ZNF710: variants seen among roughly 807,000 people sequenced by gnomAD.
ZNF710 encodes zinc finger protein 710.
In ZNF710, 13 loss-of-function variants were observed where a neutral mutation model predicts 50.6. That is an observed-to-expected ratio of 0.26 (90% CI 0.17 to 0.41). The LOEUF (loss-of-function observed/expected upper bound fraction) is 0.41, where lower values mean the gene tolerates loss of function less well. Ranked by LOEUF, ZNF710 falls within the 10% of genes least tolerant of loss-of-function variation. The pLI is 1.00. For missense variants in ZNF710, 721 were observed against 936.6 expected (o/e 0.77, Z 3.01); for synonymous variants, 383 against 397.0 (o/e 0.96, Z 0.42).
chr15:90,043,116 C>T lies in ZNF710; in HGVS notation c.-28-23994C>T, dbSNP rs572943934. Among the ~76,000 whole-genome samples, 11 of 152,382 alleles carry T rather than the reference C, an allele frequency of 7.2e-5. No homozygotes were observed. The East Asian group carries it at 1.4e-3, about 19-fold the overall frequency. ...GAATGCCCTTCACCCCACACCCCAC[C>T]GGGGACCGAGCACCTCCTGTGTGCA... On this transcript the variant is annotated intron_variant, in intron 1 of 4. Transcript: ENST00000268154.
rs1898934020 is a variant in ZNF710, at chr15:90,031,041, A to AAAAAAG, written c.-29+29427_-29+29428insAAAAAG. The stretch of plus-strand genomic sequence containing the variant: ...CTCAAAAAAAAAGAAAAAAAAAAAA[A>AAAAAAG]TGCTTAATGGATTGTTTGGTAACAA... On this transcript the variant is annotated intron_variant, in intron 1 of 4. Coordinates refer to ENST00000268154, the MANE Select transcript of ZNF710 (RefSeq NM_198526.4). Among the ~76,000 whole-genome samples, 4 of 150,426 alleles carry AAAAAAG rather than the reference A, an allele frequency of 2.7e-5. 1 individual carries two copies. Among genetic ancestry groups the AAAAAAG allele is most frequent in the Non-Finnish European group, 4.4e-5 (3 of 67,586 alleles).
rs1360052580 is a variant in ZNF710 at position 90,062,870 on chromosome 15, C to T, written c.-28-4240C>T. Among the ~76,000 whole-genome samples, 4 of 152,284 alleles carry T rather than the reference C, an allele frequency of 2.6e-5. No homozygotes were observed. The highest frequency in any genetic ancestry group is 3.9e-4 in the East Asian group (2 of 5,180). On this transcript the variant is annotated intron_variant, in intron 1 of 4. Transcript: ENST00000268154. This position sits in a 1 kb window ranked among gnomAD's most constrained non-coding sequence, Gnocchi z 5.6. ...CGCACACACACACAGCCTGCCTGGC[C>T]GCCCCAGTGAACAAGACAACATGGA...
At position 90,072,962 on chromosome 15, in the gene ZNF710, G is replaced by T. The variant is rs866786478; in HGVS notation, c.1459-109G>T. The T allele has an allele frequency of 3.2e-4, 362 of 1,120,196 alleles. 1 individual carries two copies. The highest frequency in any genetic ancestry group is 2.7e-3 in the Middle Eastern group (9 of 3,332). The allele number at this position is 1,120,196 out of a possible 1,614,324, so 69.4% of individuals were successfully genotyped here. ...CTCAAAAAGAGACATTTCCCAGAAA[G>T]TGTGCCTTTGTGATGCTATGGCCCT... is the stretch of plus-strand genomic sequence containing the variant. On this transcript the variant is annotated intron_variant, in intron 2 of 4. Transcript: ENST00000268154.
At chr15:90,054,534 G>T (rs983226188) in intron 1 of ZNF710, among the ~76,000 whole-genome samples, 10 of 152,286 alleles carry the variant, frequency 6.6e-5, no homozygotes, top group Non-Finnish European at 8.8e-5. Flanking sequence ...TGCCTGCAGG[G>T]GACTGCCTCA....
chr15:90,060,690 A>AT (rs1202880791), intron 1 of ZNF710, among the ~76,000 whole-genome samples: 1 of 151,990 alleles, frequency 6.6e-6, no homozygotes, highest in Non-Finnish European at 1.5e-5. Flanking sequence ...CCTTGTCTCT[A>AT]TTAAAAATAT....
Position 90,007,238 on chromosome 15 carries a change from C to T in ZNF710, c.-29+5624C>T, listed in dbSNP as rs565846668. The stretch of plus-strand genomic sequence containing the variant: ...AGGGCTTTGGGGAGGAAAGGTGTAA[C>T]GTTTCTGCCAAAAGCGGAACCTAAA... On this transcript the variant is annotated intron_variant, in intron 1 of 4. Transcript: ENST00000268154. Among the ~76,000 whole-genome samples, 11 of 152,266 alleles carry T rather than the reference C, an allele frequency of 7.2e-5. No homozygotes were observed. In the South Asian group the frequency reaches 8.3e-4, roughly 11 times the overall value.
At chr15:90,046,668 G>A (rs1317469393) in intron 1 of ZNF710, among the ~76,000 whole-genome samples, 5 of 152,116 alleles carry the variant, frequency 3.3e-5, no homozygotes, top group African/African-American at 2.4e-5. Context: ...CTGAAGCCCC[G>A]TGATATGGTG....
intron 1 of ZNF710, among the ~76,000 whole-genome samples, chr15:90,017,564 C>T (rs568052117): frequency 2.8e-4 from 42 of 151,864 alleles, no homozygotes; most frequent in African/African-American, 7.2e-4. Flanking sequence ...AGGAAGTTTT[C>T]GGGATCTGTG....
rs550564367 is a variant in ZNF710, at chr15:90,031,782, G to A, written c.-29+30168G>A. Among the ~76,000 whole-genome samples, 7 of 152,306 alleles carry A rather than the reference G, an allele frequency of 4.6e-5. No individual in the cohort carries two copies. In the South Asian group the frequency reaches 1.5e-3, roughly 32 times the overall value. On this transcript the variant is annotated intron_variant, in intron 1 of 4. Coordinates refer to ENST00000268154, the MANE Select transcript of ZNF710 (RefSeq NM_198526.4). Reference sequence around the variant, plus strand: ...CCAGCCCCAAATCCACTGGATCTGGGTGGGTGGGAACCAAGTGCCTGCACC... The same window carrying A: ...CCAGCCCCAAATCCACTGGATCTGGATGGGTGGGAACCAAGTGCCTGCACC...
chr15:90,058,773 C>A (rs1427993633), intron 1 of ZNF710, among the ~76,000 whole-genome samples: 1 of 151,120 alleles, frequency 6.6e-6, no homozygotes, highest in African/African-American at 2.5e-5. Flanking sequence ...GAATTGGCTC[C>A]TGTGATTGTG....
At chr15:90,063,214 G>A (rs918304315) in intron 1 of ZNF710, among the ~76,000 whole-genome samples, 3 of 152,160 alleles carry the variant, frequency 2.0e-5, no homozygotes, top group African/African-American at 4.8e-5. Context: ...TGACCTCCGC[G>A]GGTGCATAGC....
In ZNF710 at chr15:90,034,474, G is replaced by GTGTA. The variant is rs1899052268; in HGVS notation, c.-28-32635_-28-32634insGTAT. The stretch of plus-strand genomic sequence containing the variant: ...TGTGTGTGTGTGTGTGTGTGTGTGT[G>GTGTA]TATTCTGTGCCTGTGGTGGTGGTGG... On this transcript the variant is annotated intron_variant, in intron 1 of 4. Coordinates refer to ENST00000268154, the MANE Select transcript of ZNF710 (RefSeq NM_198526.4). The surrounding 1 kb of genome is among the most constrained non-coding windows in gnomAD (Gnocchi z 4.0). Among the ~76,000 whole-genome samples, 2 of 128,458 alleles carry GTGTA rather than the reference G, an allele frequency of 1.6e-5. No homozygotes were observed. The highest frequency in any genetic ancestry group is 2.1e-4 in the East Asian group (1 of 4,694). The allele number at this position is 128,458 out of a possible 152,430, so 84.3% of individuals were successfully genotyped here.
rs943865260 is a variant in ZNF710 at position 90,081,070 on chromosome 15, G to C, written c.*1241G>C. 3 of 152,252 alleles carry C rather than the reference G, an allele frequency of 2.0e-5. No individual in the cohort carries two copies. Among genetic ancestry groups the C allele is most frequent in the Non-Finnish European group, 4.4e-5 (3 of 68,090 alleles). The allele number at this position is 152,252 out of a possible 1,614,324, so 9.4% of individuals were successfully genotyped here. ...CAGCCGCTGGCAGCAGCCTCAGCAG[G>C]CTGGGGTGGGAGGCAGGAGAAGGCA... On this transcript the variant is annotated 3_prime_UTR_variant, in exon 5 of 5. Coordinates refer to ENST00000268154, the MANE Select transcript of ZNF710 (RefSeq NM_198526.4).
intron 1 of ZNF710, among the ~76,000 whole-genome samples, chr15:90,005,089 C>T (rs749122834): frequency 1.3e-5 from 2 of 152,216 alleles, no homozygotes; most frequent in Admixed American, 6.5e-5. Flanking sequence ...GGACCCAAGA[C>T]CTGAACTGAT....
At chr15:90,003,792 C>T (rs1036259905) in intron 1 of ZNF710, among the ~76,000 whole-genome samples, 4 of 152,162 alleles carry the variant, frequency 2.6e-5, no homozygotes, top group Non-Finnish European at 4.4e-5. Flanking sequence ...CTGCCAGTCT[C>T]GGAGCAGAAC....
At chr15:90,077,286 C>T (rs916523438) in intron 4 of ZNF710, among the ~76,000 whole-genome samples, 4 of 139,656 alleles carry the variant, frequency 2.9e-5, no homozygotes, top group Admixed American at 2.3e-4. Flanking sequence ...CTCTTTCACC[C>T]AGGCTGGAGT....
chr15:90,067,706 ACTTCCCG>A lies in ZNF710; in HGVS notation c.570_576del (p.His190GlnfsTer35). On this transcript the variant is annotated frameshift_variant, in exon 2 of 5. Transcript: ENST00000268154. LOFTEE classifies it high-confidence loss of function. This position sits in a 1 kb window ranked among gnomAD's most constrained non-coding sequence, Gnocchi z 8.1. ...CTGAACGTGGCCCCATATGACCCTC[ACTTCCCG>A]GCCCCGGCCCGGGATGGCTTCCCCG... 6.2e-7 allele frequency: 1 copy of A among 1,609,284 alleles called. No individual in the cohort carries two copies. The highest frequency in any genetic ancestry group is 8.5e-7 in the Non-Finnish European group (1 of 1,177,892).
In ZNF710 at chr15:90,010,559, C is replaced by T. The variant is rs567956417; in HGVS notation, c.-29+8945C>T. Among the ~76,000 whole-genome samples the T allele has an allele frequency of 3.3e-5, 5 of 152,062 alleles. No individual in the cohort carries two copies. The South Asian group carries it at 6.2e-4, about 19-fold the overall frequency. ...ATCCACTTGCCTCAGCCTCCCATAG[C>T]GCTGGGATTACAGTGTGAGCCACCG... On this transcript the variant is annotated intron_variant, in intron 1 of 4. Transcript: ENST00000268154.
rs576291824 is a variant in ZNF710 at position 90,068,900 on chromosome 15, C to T, written c.1458+305C>T. 6.6e-6 allele frequency among the ~76,000 whole-genome samples: 1 copy of T among 152,070 alleles called. No individual in the cohort carries two copies. Among genetic ancestry groups the T allele is most frequent in the South Asian group, 2.1e-4 (1 of 4,812 alleles). On this transcript the variant is annotated intron_variant, in intron 2 of 4. Transcript: ENST00000268154. The surrounding 1 kb of genome is among the most constrained non-coding windows in gnomAD (Gnocchi z 5.0). ...TTGAGTCCTGGGGTTTGAGACCAGC[C>T]TGGGCAAAATAATGAGACCCCATCG...
Sources: allele counts gnomAD v4.1 joint callset (sites outside exome capture counted in the v4.1 genomes callset), GRCh38; gene constraint gnomAD v4.1.1; non-coding constraint Gnocchi (gnomAD v3.1); transcripts MANE v1.5; gene names NCBI Gene and HGNC (gene_info 2026-07-23, HGNC 2026-07-21).